The following PCDH11X variants were observed in gnomAD, a reference collection of about 807,000 sequenced individuals.
PCDH11X encodes protocadherin-11 X-linked.
In PCDH11X, 18 loss-of-function variants were observed where a neutral mutation model predicts 53.3. The ratio of observed to expected loss-of-function variants is 0.34; its 90% confidence interval spans 0.23 to 0.50. The LOEUF (loss-of-function observed/expected upper bound fraction) is 0.50. Among genes scored for constraint, PCDH11X ranks in the 20% least tolerant of loss-of-function variants. PCDH11X has a pLI of 0.98. For missense variants in PCDH11X, 570 were observed against 1,032.4 expected, an observed-to-expected ratio of 0.55 and a Z score of 6.14; for synonymous variants, 279 against 393.3, an observed-to-expected ratio of 0.71 and a Z score of 3.44.
chrX:91,944,553 T>G (rs1452633357), intron 6 of PCDH11X, among the ~76,000 whole-genome samples: 1 of 106,093 alleles, frequency 9.4e-6, no homozygotes, highest in Non-Finnish European at 2.0e-5. Context: ...CCTTTGATAT[T>G]TCCTCATTTT....
intron 5 of PCDH11X, among the ~76,000 whole-genome samples, chrX:91,874,512 AT>A (rs891233850): frequency 1.8e-4 from 20 of 110,307 alleles, no homozygotes; most frequent in East Asian, 2.8e-4. Flanking sequence ...CTCTTGTGAA[AT>A]TTTTTTTTAA....
chrX:92,372,912 A>G (rs1437628744), intron 8 of PCDH11X, among the ~76,000 whole-genome samples: 6 of 111,079 alleles, frequency 5.4e-5, no homozygotes, highest in African/African-American at 2.0e-4. Context: ...TACACCATAA[A>G]TGACTATTCA....
chrX:92,446,410 G>A (rs1228865902), intron 9 of PCDH11X, among the ~76,000 whole-genome samples: 2 of 111,022 alleles, frequency 1.8e-5, no homozygotes, highest in African/African-American at 3.3e-5. Context: ...AAATGCTGTG[G>A]GAGGAGGAAC....
intron 5 of PCDH11X, among the ~76,000 whole-genome samples, chrX:91,859,085 A>G (rs1280830585): frequency 9.1e-6 from 1 of 110,086 alleles, no homozygotes; most frequent in Non-Finnish European, 1.9e-5. Context: ...GTTTACAACA[A>G]CAGTGTAAAA....
intron 6 of PCDH11X, among the ~76,000 whole-genome samples, chrX:92,154,263 A>AAGAT (rs748499189): frequency 9.0e-6 from 1 of 111,178 alleles, no homozygotes; most frequent in Non-Finnish European, 1.9e-5. Flanking sequence ...GATTTAAGAT[A>AAGAT]CTTCAGGATA....
chrX:92,256,449 G>A (rs1035032213), intron 7 of PCDH11X, among the ~76,000 whole-genome samples: 6 of 111,443 alleles, frequency 5.4e-5, no homozygotes, highest in African/African-American at 1.3e-4. Context: ...GTTCCTATTC[G>A]GCCATCTTGG....
intron 10 of PCDH11X, among the ~76,000 whole-genome samples, chrX:92,567,950 C>A (rs1455876667): frequency 1.8e-5 from 2 of 109,467 alleles, no homozygotes; most frequent in African/African-American, 6.7e-5. Context: ...CCATGGCACA[C>A]GTTTACATAT....
At chrX:91,986,518 G>T (rs746624353) in intron 6 of PCDH11X, among the ~76,000 whole-genome samples, 2 of 108,718 alleles carry the variant, frequency 1.8e-5, no homozygotes, top group Non-Finnish European at 3.8e-5. Context: ...TATTTCTGAA[G>T]GTTAAAGGCC....
intron 9 of PCDH11X, among the ~76,000 whole-genome samples, chrX:92,403,345 T>TG (rs1345822385): frequency 2.0e-4 from 18 of 88,515 alleles, no homozygotes; most frequent in African/African-American, 7.7e-4. Flanking sequence ...TTTTGTTTTT[T>TG]TTTTTTTTTT....
intron 6 of PCDH11X, among the ~76,000 whole-genome samples, chrX:92,038,597 C>A (rs1319436068): frequency 3.6e-5 from 4 of 111,541 alleles, no homozygotes; most frequent in African/African-American, 9.8e-5. Flanking sequence ...AGAACCTTTG[C>A]CAGCACAGTT....
At chrX:92,231,792 T>C (rs2067079194) in intron 7 of PCDH11X, among the ~76,000 whole-genome samples, 1 of 112,054 alleles carries the variant, frequency 8.9e-6, no homozygotes, top group African/African-American at 3.2e-5. Flanking sequence ...CAATTTTAAG[T>C]TCTTATGGAC....
At position 92,249,372 on chromosome X, in the gene PCDH11X, CT is replaced by C. The variant is rs2067414823; in HGVS notation, c.3115-13741del. 5.4e-5 allele frequency among the ~76,000 whole-genome samples: 6 copies of C among 111,746 alleles called. No individual in the cohort carries two copies. In the Admixed American group the frequency reaches 5.7e-4, roughly 11 times the overall value. On this transcript the variant is annotated intron_variant, in intron 7 of 10. Coordinates refer to ENST00000682573, the MANE Select transcript of PCDH11X (RefSeq NM_032968.5). ...CACAAGAGTGACACGTTAAGATGAT[CT>C]GTAATTTAAAGTGATGTTGGAGCCA...
At chrX:92,308,683 C>T (rs1456718367) in intron 8 of PCDH11X, among the ~76,000 whole-genome samples, 4 of 110,946 alleles carry the variant, frequency 3.6e-5, no homozygotes, top group African/African-American at 6.5e-5. Flanking sequence ...AGGACACTGT[C>T]GACAGGGTGA....
intron 6 of PCDH11X, among the ~76,000 whole-genome samples, chrX:92,195,173 A>G (rs2066272417): frequency 9.0e-6 from 1 of 111,147 alleles, no homozygotes; most frequent in African/African-American, 3.3e-5. Flanking sequence ...CCGGTACCAA[A>G]CCATCTGGCA....
intron 6 of PCDH11X, among the ~76,000 whole-genome samples, chrX:92,061,657 A>G (rs966570306): frequency 7.3e-5 from 8 of 109,093 alleles, no homozygotes; most frequent in Non-Finnish European, 1.5e-4. Context: ...TTGGTCAGTG[A>G]GTCTTTTTTG....
chrX:92,560,481 A>G, intron 10 of PCDH11X, among the ~76,000 whole-genome samples: 1 of 109,295 alleles, frequency 9.1e-6, no homozygotes, highest in East Asian at 2.9e-4. Flanking sequence ...TTGGAGCAAC[A>G]AGCAGGCCCT....
chrX:92,183,914 A>G (rs1428275235), intron 6 of PCDH11X, among the ~76,000 whole-genome samples: 1 of 111,587 alleles, frequency 9.0e-6, no homozygotes, highest in Non-Finnish European at 1.9e-5. Flanking sequence ...CCCACTCTCC[A>G]GAAATTTCTA....
intron 10 of PCDH11X, among the ~76,000 whole-genome samples, chrX:92,581,189 G>T (rs1424884277): frequency 2.7e-5 from 3 of 111,607 alleles, no homozygotes. Context: ...TGACCTACTT[G>T]GATACTTATA....
intron 6 of PCDH11X, among the ~76,000 whole-genome samples, chrX:92,161,823 G>C (rs937523567): frequency 1.4e-5 from 1 of 73,980 alleles, no homozygotes; most frequent in Non-Finnish European, 2.5e-5. Flanking sequence ...AGACTTTCCA[G>C]TACATTTTGC....
Sources: allele counts gnomAD v4.1 joint callset (sites outside exome capture counted in the v4.1 genomes callset), GRCh38; gene constraint gnomAD v4.1.1; transcripts MANE v1.5; gene names NCBI Gene and HGNC (gene_info 2026-07-23, HGNC 2026-07-21).